USP45: variants seen among roughly 807,000 people sequenced by gnomAD.
USP45 encodes the protein ubiquitin carboxyl-terminal hydrolase 45.
A neutral mutation model predicts 95.8 loss-of-function variants in USP45; 89 were observed. The ratio of observed to expected loss-of-function variants is 0.93; its 90% CI spans 0.78 to 1.11. The LOEUF is 1.11. Ranked by LOEUF, USP45 falls within the 50% of genes least tolerant of loss-of-function variation. USP45 has a pLI of 0.00. For synonymous variants in USP45, 281 were observed against 316.2 expected (o/e 0.89, Z 1.18); for missense variants, 898 against 942.5 (o/e 0.95, Z 0.62).
At chr6:99,484,503 A>G (rs993161583) in intron 7 of USP45, among the ~76,000 whole-genome samples, 5 of 152,096 alleles carry the variant, frequency 3.3e-5, no homozygotes, top group African/African-American at 1.2e-4. Context: ...TTGAATGTCA[A>G]AAGTGCTTTT....
chr6:99,460,376 T>C (rs1017927106), intron 13 of USP45, among the ~76,000 whole-genome samples: 3 of 152,192 alleles, frequency 2.0e-5, no homozygotes, highest in Non-Finnish European at 2.9e-5. Context: ...TATATGACCT[T>C]CTCTGGGTGT....
intron 5 of USP45, among the ~76,000 whole-genome samples, chr6:99,493,091 C>T (rs147103202): frequency 1.3e-5 from 2 of 151,852 alleles, no homozygotes; most frequent in Non-Finnish European, 2.9e-5. Flanking sequence ...TGCAGTGGCA[C>T]GATCTTGGCA....
chr6:99,437,815 G>A (rs1345940863), intron 16 of USP45, among the ~76,000 whole-genome samples: 3 of 152,082 alleles, frequency 2.0e-5, no homozygotes, highest in Non-Finnish European at 2.9e-5. Context: ...CTGTCACCAC[G>A]CCCAGCTAAT....
intron 15 of USP45, among the ~76,000 whole-genome samples, chr6:99,440,318 C>G (rs1781280548): frequency 6.6e-6 from 1 of 152,094 alleles, no homozygotes; most frequent in Non-Finnish European, 1.5e-5. Flanking sequence ...AACAAACAAC[C>G]TGAACACTCA....
At chr6:99,516,705 T>A (rs1801137153), upstream of USP45, among the ~76,000 whole-genome samples, 1 of 152,114 alleles carries the variant, frequency 6.6e-6, no homozygotes, top group South Asian at 2.1e-4. Flanking sequence ...TGGTGTAATT[T>A]TGAAGGCAAA....
rs145043135 is a variant in USP45 at position 99,473,777 on chromosome 6, A to C, written c.933+2366T>G. On this transcript the variant is annotated intron_variant, in intron 9 of 17. Coordinates refer to ENST00000500704, the MANE Select transcript of USP45 (RefSeq NM_001346022.3). ...CTCAAAAAAAAAACAAAAAAAACAA[A>C]ACACACACACACACACACACACACA... 6.3e-5 allele frequency among the ~76,000 whole-genome samples: 8 copies of C among 127,746 alleles called. No individual in the cohort carries two copies. The East Asian group carries it at 1.4e-3, about 23-fold the overall frequency. 83.8% of individuals were successfully genotyped at this position (127,746 alleles called of 152,430 possible).
At chr6:99,507,389 G>C in intron 4 of USP45, 39 bp downstream of exon 4, 1 of 1,253,610 alleles carries the variant, frequency 8.0e-7, no homozygotes, top group Non-Finnish European at 1.1e-6. Flanking sequence ...TTGGGGGGCT[G>C]TGGTTAGTGG....
In USP45 at chr6:99,492,496, A is replaced by AT. The variant is rs1479973993; in HGVS notation, c.479-3677dup. ...ACAGATAATTTAACTAGAAAATAGA[A>AT]TTTTTTTTTTTTTTTGAGATAGAGT... On this transcript the variant is annotated intron_variant, in intron 5 of 17. Transcript: ENST00000500704. Among the ~76,000 whole-genome samples, 604 of 145,944 alleles carry AT rather than the reference A, an allele frequency of 4.1e-3. 3 individuals are homozygous for AT. The highest frequency in any genetic ancestry group is 0.013 in the Admixed American group (183 of 14,570).
At chr6:99,477,728 G>A (rs1191700221) in intron 8 of USP45, among the ~76,000 whole-genome samples, 1 of 152,184 alleles carries the variant, frequency 6.6e-6, no homozygotes, top group African/African-American at 2.4e-5. Context: ...AATCCAGCCT[G>A]TAAGAGGAAA....
At chr6:99,488,550 G>A (rs141843767) in intron 6 of USP45, 131 bp downstream of exon 6, 32 of 1,034,856 alleles carry the variant, frequency 3.1e-5, no homozygotes, top group Middle Eastern at 3.2e-4. Flanking sequence ...CCAAGATAGC[G>A]TAAACAAAAG....
intron 5 of USP45, among the ~76,000 whole-genome samples, chr6:99,498,669 A>C (rs569582515): frequency 3.3e-5 from 5 of 152,354 alleles, no homozygotes; most frequent in South Asian, 4.1e-4. Context: ...AGGGTACTTA[A>C]GGTCAAAAGT....
intron 14 of USP45, among the ~76,000 whole-genome samples, chr6:99,444,000 A>T (rs1272495709): frequency 1.3e-5 from 2 of 152,018 alleles, no homozygotes; most frequent in African/African-American, 2.4e-5. Flanking sequence ...ATTTGGGTTT[A>T]AAAAGATTTC....
chr6:99,462,215 A>G (rs1022776416), intron 13 of USP45: 12 of 978,572 alleles, frequency 1.2e-5, no homozygotes, highest in Non-Finnish European at 1.5e-5. Context: ...AAAAATTTTC[A>G]ATAAAGAGTA....
intron 15 of USP45, among the ~76,000 whole-genome samples, chr6:99,440,117 T>A (rs186826476): frequency 6.6e-6 from 1 of 152,194 alleles, no homozygotes; most frequent in African/African-American, 2.4e-5. Flanking sequence ...TCAACACTTA[T>A]GGAAAAATAA....
upstream of USP45, among the ~76,000 whole-genome samples, chr6:99,515,927 A>G (rs1801064307): frequency 6.6e-6 from 1 of 151,914 alleles, no homozygotes; most frequent in African/African-American, 2.4e-5. Flanking sequence ...GGCGCCCGCC[A>G]TCACGCCCGG....
chr6:99,474,516 G>T (rs1215023487), intron 9 of USP45, among the ~76,000 whole-genome samples: 1 of 152,142 alleles, frequency 6.6e-6, no homozygotes, highest in Non-Finnish European at 1.5e-5. Context: ...TTTAAAAAAG[G>T]AAGGTCCATC....
chr6:99,454,136 G>A (rs954916154), intron 13 of USP45, among the ~76,000 whole-genome samples: 1 of 152,130 alleles, frequency 6.6e-6, no homozygotes, highest in African/African-American at 2.4e-5. Context: ...ATAGACCAGT[G>A]CAACAGAATA....
intron 7 of USP45, among the ~76,000 whole-genome samples, chr6:99,484,503 A>T (rs993161583): frequency 6.6e-6 from 1 of 152,096 alleles, no homozygotes; most frequent in Non-Finnish European, 1.5e-5. Flanking sequence ...TTGAATGTCA[A>T]AAGTGCTTTT....
In USP45 at chr6:99,433,776, G is replaced by GTA. The variant is rs1780054984; in HGVS notation, c.*1938_*1939dup. ...CAGCACTGTGACTGACTCATAGCAAGTATGGGTATCTATCCAAATATTTGT... is the reference window on the plus strand; with the variant it reads ...CAGCACTGTGACTGACTCATAGCAAGTATATGGGTATCTATCCAAATATTTGT... On this transcript the variant is annotated 3_prime_UTR_variant, in exon 18 of 18. Coordinates refer to ENST00000500704, the MANE Select transcript of USP45 (RefSeq NM_001346022.3). 6.6e-6 allele frequency: 1 copy of GTA among 152,148 alleles called. No individual in the cohort carries two copies. The highest frequency in any genetic ancestry group is 1.5e-5 in the Non-Finnish European group (1 of 68,036). 9.4% of individuals were successfully genotyped at this position (152,148 alleles called of 1,614,324 possible).
Sources: allele counts gnomAD v4.1 joint callset (sites outside exome capture counted in the v4.1 genomes callset), GRCh38; gene constraint gnomAD v4.1.1; transcripts MANE v1.5; gene names NCBI Gene and HGNC (gene_info 2026-07-23, HGNC 2026-07-21).